The following NLGN1 variants were observed in gnomAD, a reference collection of about 807,000 sequenced individuals.
NLGN1 encodes the protein neuroligin-1.
Under a neutral mutation model 65.5 loss-of-function variants are expected in NLGN1, and 12 were observed. That is an observed-to-expected ratio of 0.18 (90% CI 0.12 to 0.30). NLGN1 has a LOEUF of 0.30. Ranked by LOEUF, NLGN1 falls within the 10% of genes least tolerant of loss-of-function variation. The pLI is 1.00. For missense variants in NLGN1, 750 were observed against 1,007.1 expected (o/e 0.74, Z 3.46); for synonymous variants, 350 against 359.5 (o/e 0.97, Z 0.30).
intron 4 of NLGN1, among the ~76,000 whole-genome samples, chr3:174,097,635 T>C (rs1280083947): frequency 1.3e-5 from 2 of 152,216 alleles, no homozygotes; most frequent in Admixed American, 6.5e-5. Context: ...GGCACAATTA[T>C]GTAGTGTTTT....
chr3:173,471,994 G>T (rs1725389569), intron 2 of NLGN1, among the ~76,000 whole-genome samples: 1 of 152,036 alleles, frequency 6.6e-6, no homozygotes, highest in Non-Finnish European at 1.5e-5. Flanking sequence ...GATTATTAAG[G>T]TAGAAGTGCT....
At chr3:173,862,872 T>G (rs965228938) in intron 4 of NLGN1, among the ~76,000 whole-genome samples, 3 of 152,086 alleles carry the variant, frequency 2.0e-5, no homozygotes, top group Non-Finnish European at 4.4e-5. Flanking sequence ...ACAGGAATTC[T>G]CTGTGCCTTG....
chr3:174,226,998 AC>A (rs1217804810), intron 4 of NLGN1, among the ~76,000 whole-genome samples: 10 of 152,184 alleles, frequency 6.6e-5, no homozygotes, highest in Non-Finnish European at 1.2e-4. Context: ...ACGATTGTTG[AC>A]TTTTAGTGAT....
intron 3 of NLGN1, among the ~76,000 whole-genome samples, chr3:173,653,173 A>G (rs569950400): frequency 6.6e-6 from 1 of 152,300 alleles, no homozygotes; most frequent in South Asian, 2.1e-4. Context: ...ATATAACATC[A>G]TATCATCAGT....
intron 3 of NLGN1, among the ~76,000 whole-genome samples, chr3:173,644,999 G>A (rs556572261): frequency 5.9e-5 from 9 of 152,336 alleles, no homozygotes; most frequent in South Asian, 2.1e-4. Flanking sequence ...GTGGGTAAGC[G>A]GTGATTGGAC....
intron 2 of NLGN1, among the ~76,000 whole-genome samples, chr3:173,559,170 G>C (rs1233767437): frequency 6.6e-6 from 1 of 152,144 alleles, no homozygotes; most frequent in African/African-American, 2.4e-5. Flanking sequence ...TAAAATCAAA[G>C]GTGCTTGGAA....
chr3:174,255,221 G>T (rs1745460986), intron 4 of NLGN1, among the ~76,000 whole-genome samples: 1 of 152,058 alleles, frequency 6.6e-6, no homozygotes, highest in Admixed American at 6.5e-5. Context: ...GGACCACAAG[G>T]TCAGGAGATC....
intron 4 of NLGN1, among the ~76,000 whole-genome samples, chr3:173,904,192 C>T (rs780394969): frequency 3.3e-5 from 5 of 152,068 alleles, no homozygotes; most frequent in Non-Finnish European, 5.9e-5. Context: ...TTCATTATTG[C>T]ATGGGCTTTT....
intron 4 of NLGN1, among the ~76,000 whole-genome samples, chr3:173,982,315 G>C (rs1229153376): frequency 6.6e-6 from 1 of 151,806 alleles, no homozygotes; most frequent in Non-Finnish European, 1.5e-5. Context: ...TAAAATAATA[G>C]ATAAAAAAGT....
intron 2 of NLGN1, among the ~76,000 whole-genome samples, chr3:173,569,611 T>G (rs1330135898): frequency 6.6e-6 from 1 of 151,804 alleles, no homozygotes; most frequent in Admixed American, 6.6e-5. Flanking sequence ...TATTTATTTG[T>G]TTTTCCTTTT....
chr3:173,452,936 A>T (rs1387887071), intron 2 of NLGN1, among the ~76,000 whole-genome samples: 1 of 152,166 alleles, frequency 6.6e-6, no homozygotes, highest in Non-Finnish European at 1.5e-5. Context: ...TACATACCTT[A>T]ATTAAAAATA....
chr3:173,766,775 C>G (rs1305209509), intron 3 of NLGN1, among the ~76,000 whole-genome samples: 1 of 152,120 alleles, frequency 6.6e-6, no homozygotes, highest in Non-Finnish European at 1.5e-5. Flanking sequence ...AGAAGGGAAA[C>G]TTGTTTTGCC....
chr3:174,143,991 C>T lies in NLGN1; in HGVS notation c.647-131324C>T, dbSNP rs192452481. Among the ~76,000 whole-genome samples the T allele has an allele frequency of 6.6e-5, 10 of 152,170 alleles. No homozygotes were observed. The East Asian group carries it at 1.4e-3, about 21-fold the overall frequency. On this transcript the variant is annotated intron_variant, in intron 4 of 6. Transcript: ENST00000457714. ...TGCAGGTTTGTTACATAGGTATACA[C>T]GTGACATGGTGGTTTGCTGCACCCA...
At chr3:174,114,648 T>C (rs1442510989) in intron 4 of NLGN1, among the ~76,000 whole-genome samples, 1 of 152,188 alleles carries the variant, frequency 6.6e-6, no homozygotes, top group East Asian at 1.9e-4. Context: ...AATCTGATTT[T>C]GCTCGCATAA....
At chr3:174,168,047 A>C (rs1402242553) in intron 4 of NLGN1, among the ~76,000 whole-genome samples, 1 of 152,042 alleles carries the variant, frequency 6.6e-6, no homozygotes, top group African/African-American at 2.4e-5. Context: ...TTATTTCAGA[A>C]ATTAGTTTCT....
chr3:173,572,698 A>G (rs1006923980), intron 2 of NLGN1, among the ~76,000 whole-genome samples: 1 of 152,166 alleles, frequency 6.6e-6, no homozygotes, highest in Non-Finnish European at 1.5e-5. Context: ...AGGGAAACCA[A>G]ATATGTTGCT....
chr3:173,931,260 G>A (rs563810000), intron 4 of NLGN1, among the ~76,000 whole-genome samples: 2 of 152,190 alleles, frequency 1.3e-5, no homozygotes, highest in African/African-American at 4.8e-5. Context: ...GTCCTATTCA[G>A]GGGAAGTCAA....
At chr3:174,072,075 G>A (rs115148113) in intron 4 of NLGN1, among the ~76,000 whole-genome samples, 5,091 of 152,284 alleles carry the variant, frequency 0.033, 117 homozygotes, top group Non-Finnish European at 0.051. Context: ...AGAAGTAAAA[G>A]TAATTATGTT....
chr3:173,487,086 A>G (rs1424082807), intron 2 of NLGN1, among the ~76,000 whole-genome samples: 1 of 151,786 alleles, frequency 6.6e-6, no homozygotes, highest in Non-Finnish European at 1.5e-5. Context: ...AAATCTTAGC[A>G]TCTTAAGTTT....
Sources: allele counts gnomAD v4.1 joint callset (sites outside exome capture counted in the v4.1 genomes callset), GRCh38; gene constraint gnomAD v4.1.1; transcripts MANE v1.5; gene names NCBI Gene and HGNC (gene_info 2026-07-23, HGNC 2026-07-21).